The following USP13 variants were observed in gnomAD, a reference collection of about 807,000 sequenced individuals.
USP13 encodes the protein ubiquitin carboxyl-terminal hydrolase 13.
In USP13, 68 loss-of-function variants were observed where a neutral mutation model predicts 107.8. The observed-to-expected ratio is 0.63, with a 90% CI of 0.52 to 0.77. The LOEUF is 0.77. Among genes scored for constraint, USP13 ranks in the 30% least tolerant of loss-of-function variants. USP13 has a pLI of 0.00. For synonymous variants in USP13, 377 were observed against 389.5 expected (o/e 0.97, Z 0.38); for missense variants, 945 against 1,093.3 (o/e 0.86, Z 1.91).
At chr3:179,775,219 C>A (rs184437536) in intron 19 of USP13, among the ~76,000 whole-genome samples, 1 of 139,598 alleles carries the variant, frequency 7.2e-6, no homozygotes, top group African/African-American at 2.7e-5. Context: ...GCATGCTGAT[C>A]GGTGCATTTA....
intron 2 of USP13, among the ~76,000 whole-genome samples, chr3:179,689,240 G>A (rs535665142): frequency 1.3e-5 from 2 of 152,250 alleles, no homozygotes; most frequent in South Asian, 4.1e-4. Context: ...ATATGGTTTT[G>A]GCATTATACT....
intron 19 of USP13, among the ~76,000 whole-genome samples, chr3:179,777,011 G>C (rs1012807374): frequency 2.0e-5 from 3 of 151,938 alleles, no homozygotes; most frequent in Non-Finnish European, 2.9e-5. Flanking sequence ...TTTGAAAATG[G>C]GTTGAGAGAG....
At chr3:179,775,545 G>A (rs1715499556) in intron 19 of USP13, among the ~76,000 whole-genome samples, 1 of 152,250 alleles carries the variant, frequency 6.6e-6, no homozygotes, top group Non-Finnish European at 1.5e-5. Flanking sequence ...GGCGGTCGAT[G>A]GGACTGGGCA....
At chr3:179,693,426 T>C (rs1712178725) in intron 3 of USP13, among the ~76,000 whole-genome samples, 1 of 152,200 alleles carries the variant, frequency 6.6e-6, no homozygotes, top group Non-Finnish European at 1.5e-5. Context: ...GTGCTGGGAT[T>C]ACATGTGTGA....
At chr3:179,700,606 A>G (rs1254033613) in intron 3 of USP13, among the ~76,000 whole-genome samples, 2 of 152,108 alleles carry the variant, frequency 1.3e-5, no homozygotes, top group East Asian at 3.8e-4. Flanking sequence ...GAAACCAAAC[A>G]ACCATTCCAG....
chr3:179,763,743 G>T (rs1308537770), intron 17 of USP13, among the ~76,000 whole-genome samples: 2 of 152,044 alleles, frequency 1.3e-5, no homozygotes, highest in African/African-American at 4.8e-5. Flanking sequence ...GCACCACCAT[G>T]CCCTGCTAAT....
intron 8 of USP13, 100 bp from the exon 9 acceptor site, chr3:179,730,089 A>G: frequency 9.1e-7 from 1 of 1,102,878 alleles, no homozygotes; most frequent in Non-Finnish European, 1.3e-6. Context: ...GTTTAGTTTG[A>G]CAAAGGGGCA....
intron 3 of USP13, 71 bp from the exon 4 acceptor site, chr3:179,700,937 C>A: frequency 6.6e-7 from 1 of 1,510,934 alleles, no homozygotes; most frequent in South Asian, 1.3e-5. Context: ...CTGGCTTTTC[C>A]AGTGAGTGCT....
chr3:179,785,380 A>G lies in USP13; in HGVS notation c.*1239A>G, dbSNP rs942750429. 6.6e-6 allele frequency: 1 copy of G among 152,318 alleles called. No homozygotes were observed. 9.4% of individuals were successfully genotyped at this position (152,318 alleles called of 1,614,324 possible). The stretch of plus-strand genomic sequence containing the variant: ...ACTTTATACAACATTATGAAAGACT[A>G]TCCTTTCCATTTTGGTTATTTCAGC... On this transcript the variant is annotated 3_prime_UTR_variant, in exon 21 of 21. Coordinates refer to ENST00000263966, the MANE Select transcript of USP13 (RefSeq NM_003940.3).
At chr3:179,763,348 G>A (rs927935324) in intron 17 of USP13, among the ~76,000 whole-genome samples, 1 of 152,136 alleles carries the variant, frequency 6.6e-6, no homozygotes, top group East Asian at 1.9e-4. Flanking sequence ...TATAGTTTTA[G>A]CTCCTATATT....
At chr3:179,779,487 G>A (rs1039417829) in intron 19 of USP13, among the ~76,000 whole-genome samples, 2 of 151,846 alleles carry the variant, frequency 1.3e-5, no homozygotes, top group African/African-American at 2.4e-5. Context: ...CCGAGATTGC[G>A]CCACTGCACT....
At position 179,653,727 on chromosome 3, in the gene USP13, T is replaced by G; in HGVS notation, c.168+334T>G. On this transcript the variant is annotated intron_variant, in intron 1 of 20. Coordinates refer to ENST00000263966, the MANE Select transcript of USP13 (RefSeq NM_003940.3). This position sits in a 1 kb window ranked among gnomAD's most constrained non-coding sequence, Gnocchi z 4.0. Reference sequence around the variant, plus strand: ...TGCACGTTGCAGATCGTTTGCGTCCTCCGCGGGGCAGAGCGCAGGGCGGGT... The same window carrying G: ...TGCACGTTGCAGATCGTTTGCGTCCGCCGCGGGGCAGAGCGCAGGGCGGGT... 2 of 228,098 alleles carry G rather than the reference T, an allele frequency of 8.8e-6. No individual in the cohort carries two copies. The highest frequency in any genetic ancestry group is 8.7e-6 in the Non-Finnish European group (1 of 115,370). The allele number at this position is 228,098 out of a possible 1,614,324, so 14.1% of individuals were successfully genotyped here.
At position 179,721,700 on chromosome 3, in the gene USP13, C is replaced by CCACCTGAAG. The variant is rs1713325965; in HGVS notation, c.1088+116_1088+117insGAAGCACCT. On this transcript the variant is annotated intron_variant, in intron 8 of 20. Transcript: ENST00000263966. This position sits in a 1 kb window ranked among gnomAD's most constrained non-coding sequence, Gnocchi z 4.3. ...ATCTTTATTGCTTCAGGACATTTTG[C>CCACCTGAAG]CACCTTTTCTCTGGCCTGCCTTCTA... is the stretch of plus-strand genomic sequence containing the variant. 1.7e-6 allele frequency: 2 copies of CCACCTGAAG among 1,205,806 alleles called. No individual in the cohort carries two copies. Among genetic ancestry groups the CCACCTGAAG allele is most frequent in the African/African-American group, 3.1e-5 (2 of 65,568 alleles). The allele number at this position is 1,205,806 out of a possible 1,614,324, so 74.7% of individuals were successfully genotyped here.
chr3:179,719,370 T>G (rs954542463), intron 6 of USP13, among the ~76,000 whole-genome samples: 1 of 152,120 alleles, frequency 6.6e-6, no homozygotes, highest in Non-Finnish European at 1.5e-5. Context: ...CTGTGAGATG[T>G]GGACCTGAAG....
chr3:179,763,559 A>G (rs1225009291), intron 17 of USP13, among the ~76,000 whole-genome samples: 1 of 152,110 alleles, frequency 6.6e-6, no homozygotes, highest in East Asian at 1.9e-4. Context: ...TATTTAATCG[A>G]TCCATATGTC....
At chr3:179,759,138 C>T (rs9877072) in intron 16 of USP13, among the ~76,000 whole-genome samples, 77 of 152,092 alleles carry the variant, frequency 5.1e-4, no homozygotes, top group African/African-American at 1.7e-3. Flanking sequence ...TGCACCACCA[C>T]GCCTGGCTAA....
intron 5 of USP13, 151 bp downstream of exon 5, chr3:179,707,227 G>A: frequency 9.1e-7 from 1 of 1,101,252 alleles, no homozygotes; most frequent in South Asian, 1.8e-5. Flanking sequence ...AAAATTGTCT[G>A]TAGCTTTGTA....
At chr3:179,693,620 G>A (rs143092301) in intron 3 of USP13, among the ~76,000 whole-genome samples, 2 of 151,974 alleles carry the variant, frequency 1.3e-5, no homozygotes, top group African/African-American at 4.8e-5. Context: ...TGTGTATTAG[G>A]GTTACATCTG....
chr3:179,781,629 C>A, intron 19 of USP13, 110 bp from the exon 20 acceptor site: 1 of 891,748 alleles, frequency 1.1e-6, no homozygotes, highest in Non-Finnish European at 1.7e-6. Context: ...CCTTGTCTTT[C>A]AAATCTAAAC....
Sources: allele counts gnomAD v4.1 joint callset (sites outside exome capture counted in the v4.1 genomes callset), GRCh38; gene constraint gnomAD v4.1.1; non-coding constraint Gnocchi (gnomAD v3.1); transcripts MANE v1.5; gene names NCBI Gene and HGNC (gene_info 2026-07-23, HGNC 2026-07-21).